KATNIP: variants seen among roughly 807,000 people sequenced by gnomAD.
KATNIP encodes katanin-interacting protein.
A neutral mutation model predicts 174.0 loss-of-function variants in KATNIP; 126 were observed. That is an observed-to-expected ratio of 0.72 (90% CI 0.63 to 0.84). The LOEUF (loss-of-function observed/expected upper bound fraction) is 0.84. KATNIP is among the 40% of genes least tolerant of loss of function. The pLI is 0.00. For missense variants in KATNIP, 1,958 were observed against 2,109.7 expected (o/e 0.93, Z 1.41); for synonymous variants, 810 against 835.7 (o/e 0.97, Z 0.53).
At chr16:27,570,763 C>A (rs1488294067) in intron 1 of KATNIP, among the ~76,000 whole-genome samples, 2 of 151,996 alleles carry the variant, frequency 1.3e-5, no homozygotes, top group African/African-American at 4.8e-5. Context: ...TGCAATTTTG[C>A]AGCTGGGTCT....
At chr16:27,550,953 G>T (rs928578640) in intron 1 of KATNIP, among the ~76,000 whole-genome samples, 1 of 152,170 alleles carries the variant, frequency 6.6e-6, no homozygotes, top group Non-Finnish European at 1.5e-5. Context: ...GCCGGATTGA[G>T]GCTGTAACTG....
Position 27,761,451 on chromosome 16 carries a change from C to T in KATNIP, c.3670C>T (p.His1224Tyr), listed in dbSNP as rs769762977. 1.9e-6 allele frequency: 3 copies of T among 1,613,622 alleles called. No individual in the cohort carries two copies. The African/African-American group carries it at 4.0e-5, about 22-fold the overall frequency. ...LNFTASWGDL[H>Y]YLGLTGLEVV... ...TTTCACTGCCTCCTGGGGAGACTTG[C>T]ACTACCTGGGGCTCACTGGCCTGGA... The change falls in exon 19 of 28, where the codon CAC (histidine) becomes TAC (tyrosine). Residue 1224 changes from histidine (H) to tyrosine (Y), a missense_variant. Around this residue, in one of 3 missense-constraint regions of KATNIP, gnomAD observed 1,557 missense variants for 1,617.8 expected, o/e 0.96. Transcript: ENST00000261588.
At chr16:27,590,086 G>A (rs1159972736) in intron 2 of KATNIP, among the ~76,000 whole-genome samples, 1 of 151,800 alleles carries the variant, frequency 6.6e-6, no homozygotes, top group Non-Finnish European at 1.5e-5. Context: ...TTAATTAGTT[G>A]TTTTTCTGTA....
intron 6 of KATNIP, among the ~76,000 whole-genome samples, chr16:27,663,940 C>T (rs557984065): frequency 7.9e-5 from 12 of 150,980 alleles, no homozygotes; most frequent in African/African-American, 2.7e-4. Flanking sequence ...CCTCGCAAGC[C>T]GCTGGGACTA....
chr16:27,568,550 C>T (rs145042804), intron 1 of KATNIP, among the ~76,000 whole-genome samples: 2 of 152,200 alleles, frequency 1.3e-5, no homozygotes, highest in African/African-American at 4.8e-5. Context: ...GTGCAACCTC[C>T]GCTTCCTGGG....
intron 5 of KATNIP, among the ~76,000 whole-genome samples, chr16:27,633,675 A>G (rs925730575): frequency 3.3e-5 from 5 of 152,200 alleles, no homozygotes; most frequent in Non-Finnish European, 7.3e-5. Context: ...GTATGGGTCT[A>G]TAGTTAAATG....
intron 8 of KATNIP, among the ~76,000 whole-genome samples, chr16:27,696,222 A>G (rs1488960032): frequency 6.6e-6 from 1 of 152,268 alleles, no homozygotes; most frequent in Non-Finnish European, 1.5e-5. Flanking sequence ...CAAAAAAGCA[A>G]TAATATTGCA....
chr16:27,775,559 C>G (rs1386130295), intron 24 of KATNIP, among the ~76,000 whole-genome samples: 1 of 152,374 alleles, frequency 6.6e-6, no homozygotes, highest in East Asian at 1.9e-4. Context: ...GTCAGCTCTT[C>G]CGACCAACTG....
chr16:27,557,046 T>C (rs1207476446), intron 1 of KATNIP, among the ~76,000 whole-genome samples: 2 of 152,204 alleles, frequency 1.3e-5, no homozygotes, highest in East Asian at 1.9e-4. Context: ...CTTCCGTGCA[T>C]TGGAATTCAG....
chr16:27,593,688 C>G (rs2075252225), intron 2 of KATNIP, among the ~76,000 whole-genome samples: 1 of 152,136 alleles, frequency 6.6e-6, no homozygotes, highest in South Asian at 2.1e-4. Flanking sequence ...ACCACCACAC[C>G]CAGCTAACTT....
At chr16:27,580,976 C>G (rs1410630024) in intron 2 of KATNIP, among the ~76,000 whole-genome samples, 2 of 152,008 alleles carry the variant, frequency 1.3e-5, no homozygotes, top group Non-Finnish European at 2.9e-5. Flanking sequence ...GTTATCCCAC[C>G]AGCTACTTGG....
Position 27,574,041 on chromosome 16 carries a change from A to C in KATNIP, c.63+85A>C, listed in dbSNP as rs532477189. ...AGCAGGGTGGCGAATAAGTGTCCCTAAATATACTCTTTTCTCTTGGGGTCC... is the reference window on the plus strand; with the variant it reads ...AGCAGGGTGGCGAATAAGTGTCCCTCAATATACTCTTTTCTCTTGGGGTCC... On this transcript the variant is annotated intron_variant, in intron 2 of 27. Transcript: ENST00000261588. The C allele has an allele frequency of 5.0e-6, 6 of 1,197,774 alleles. No homozygotes were observed. In the African/African-American group the frequency reaches 9.0e-5, roughly 18 times the overall value. The allele number at this position is 1,197,774 out of a possible 1,614,324, so 74.2% of individuals were successfully genotyped here.
chr16:27,723,763 C>T (rs1052081023), intron 14 of KATNIP, among the ~76,000 whole-genome samples: 1 of 152,108 alleles, frequency 6.6e-6, no homozygotes. Context: ...GGAGGCAGAG[C>T]GGGGAACCTA....
chr16:27,617,634 G>A (rs922164897), intron 2 of KATNIP, among the ~76,000 whole-genome samples: 3 of 152,206 alleles, frequency 2.0e-5, no homozygotes, highest in African/African-American at 7.2e-5. Context: ...AACCACAGAT[G>A]TCCACTCCAA....
chr16:27,574,977 C>A (rs184718639), intron 2 of KATNIP, among the ~76,000 whole-genome samples: 9 of 152,032 alleles, frequency 5.9e-5, no homozygotes, highest in Non-Finnish European at 1.2e-4. Flanking sequence ...ACCTTCCCCC[C>A]TCCCCGCCTC....
chr16:27,673,636 A>G (rs1027059256), intron 6 of KATNIP, among the ~76,000 whole-genome samples: 1 of 152,156 alleles, frequency 6.6e-6, no homozygotes, highest in Non-Finnish European at 1.5e-5. Flanking sequence ...GTGTCCATGT[A>G]ATAGATCCCA....
At chr16:27,599,447 A>G (rs2075443427) in intron 2 of KATNIP, among the ~76,000 whole-genome samples, 1 of 152,112 alleles carries the variant, frequency 6.6e-6, no homozygotes, top group Non-Finnish European at 1.5e-5. Context: ...GATTGCATTC[A>G]TGCGCCAGGC....
intron 2 of KATNIP, among the ~76,000 whole-genome samples, chr16:27,609,379 T>C (rs1439689866): frequency 1.5e-4 from 3 of 19,582 alleles, no homozygotes; most frequent in Admixed American, 4.0e-4. Context: ...GAGTTAAGTC[T>C]TTTTTTTTTT....
At chr16:27,607,813 G>A (rs1324027774) in intron 2 of KATNIP, among the ~76,000 whole-genome samples, 1 of 152,094 alleles carries the variant, frequency 6.6e-6, no homozygotes, top group Non-Finnish European at 1.5e-5. Context: ...CACCATGTTG[G>A]CCAGACTGGC....
Sources: allele counts gnomAD v4.1 joint callset (sites outside exome capture counted in the v4.1 genomes callset), GRCh38; gene constraint gnomAD v4.1.1; regional missense constraint gnomAD v4.1.1; transcripts MANE v1.5; gene names NCBI Gene and HGNC (gene_info 2026-07-23, HGNC 2026-07-21).